Variants in CD109 observed in about 807,000 individuals in gnomAD.
The protein encoded by CD109 is CD109 antigen.
A neutral mutation model predicts 165.8 loss-of-function variants in CD109; 149 were observed. The ratio of observed to expected loss-of-function variants is 0.90; its 90% CI spans 0.79 to 1.03. The LOEUF (loss-of-function observed/expected upper bound fraction) is 1.03, where lower values mean the gene tolerates loss of function less well. Among genes scored for constraint, CD109 ranks in the 50% least tolerant of loss-of-function variants. CD109 has a pLI of 0.00. For missense variants in CD109, 1,712 were observed against 1,677.8 expected (o/e 1.02, Z -0.36); for synonymous variants, 585 against 592.1 (o/e 0.99, Z 0.18).
At chr6:73,704,239 T>C (rs1771182851) in intron 2 of CD109, among the ~76,000 whole-genome samples, 1 of 151,772 alleles carries the variant, frequency 6.6e-6, no homozygotes, top group Non-Finnish European at 1.5e-5. Flanking sequence ...CAGGTGATTC[T>C]TAGTCACATT....
At chr6:73,732,367 G>T (rs1338273326) in intron 4 of CD109, among the ~76,000 whole-genome samples, 1 of 152,150 alleles carries the variant, frequency 6.6e-6, no homozygotes, top group African/African-American at 2.4e-5. Context: ...CACATTTGTT[G>T]CCATGGTGTT....
rs1316570153 is a variant in CD109 at position 73,730,569 on chromosome 6, A to G, written c.502A>G (p.Ile168Val). The G allele has an allele frequency of 6.3e-7, 1 of 1,599,162 alleles. No individual in the cohort carries two copies. Among genetic ancestry groups the G allele is most frequent in the Non-Finnish European group, 8.6e-7 (1 of 1,167,036 alleles). The change falls in exon 4 of 33, where the codon ATT becomes GTT. Residue 168 changes from isoleucine (I) to valine (V), a missense_variant. Coordinates refer to ENST00000287097, the MANE Select transcript of CD109 (RefSeq NM_133493.5). Reference sequence around the variant, plus strand: ...TTACAAAACCTCTTTAAACATTCTCATTAAGGTAAGTGCCAGACAGAAATG... The same window carrying G: ...TTACAAAACCTCTTTAAACATTCTCGTTAAGGTAAGTGCCAGACAGAAATG... ...KPYKTSLNIL[I>V]KDPKSNLIQQ... is the part of the protein sequence containing the mutation.
intron 23 of CD109, among the ~76,000 whole-genome samples, chr6:73,794,462 A>G (rs1028693881): frequency 1.3e-5 from 2 of 152,208 alleles, no homozygotes; most frequent in Non-Finnish European, 2.9e-5. Context: ...CCTGTAGAGA[A>G]GGAGGCACCA....
In CD109 at chr6:73,810,153, G is replaced by A; in HGVS notation, c.3525G>A (p.Leu1175=). ...GGCTAAGCAGGCAAAGAAATAGCTTGGGTGGTTTTGCATCTACTCAGGTGA... is the reference window on the plus strand; with the variant it reads ...GGCTAAGCAGGCAAAGAAATAGCTTAGGTGGTTTTGCATCTACTCAGGTGA... ...MRWLSRQRNS[L]GGFASTQDTT... The change falls in exon 27 of 33, where the codon TTG becomes TTA. Residue 1175 remains leucine (L), a synonymous_variant. Transcript: ENST00000287097. The A allele has an allele frequency of 6.3e-7, 1 of 1,599,698 alleles. No homozygotes were observed. The highest frequency in any genetic ancestry group is 8.5e-7 in the Non-Finnish European group (1 of 1,175,438).
At chr6:73,756,375 T>A (rs1035653305) in intron 5 of CD109, among the ~76,000 whole-genome samples, 2 of 152,190 alleles carry the variant, frequency 1.3e-5, no homozygotes, top group Non-Finnish European at 2.9e-5. Flanking sequence ...AGCAGTTTGT[T>A]TAAATGACCC....
chr6:73,732,844 C>T (rs1263101464), intron 4 of CD109, among the ~76,000 whole-genome samples: 2 of 152,104 alleles, frequency 1.3e-5, no homozygotes, highest in Non-Finnish European at 2.9e-5. Flanking sequence ...CTTAGCAGAC[C>T]ACGTTTGGCT....
intron 5 of CD109, among the ~76,000 whole-genome samples, chr6:73,740,510 T>C (rs1488993109): frequency 6.6e-6 from 1 of 152,204 alleles, no homozygotes; most frequent in East Asian, 1.9e-4. Context: ...CCTTCAAGTA[T>C]TGTATTGCTT....
intron 22 of CD109, among the ~76,000 whole-genome samples, chr6:73,791,180 C>CATATATATAT: frequency 2.0e-5 from 1 of 49,792 alleles, no homozygotes; most frequent in African/African-American, 1.0e-4. Context: ...TATATATACA[C>CATATATATAT]ACACACACAT....
intron 31 of CD109, among the ~76,000 whole-genome samples, chr6:73,819,809 G>A (rs1210392538): frequency 6.6e-6 from 1 of 152,190 alleles, no homozygotes; most frequent in Non-Finnish European, 1.5e-5. Context: ...TGGTTTTGGA[G>A]TTTGTCTTCT....
chr6:73,766,987 CGATT>C lies in CD109; in HGVS notation c.1477_1480del (p.Leu493ArgfsTer3), dbSNP rs1562055623. The C allele has an allele frequency of 6.2e-7, 1 of 1,612,832 alleles. No homozygotes were observed. Among genetic ancestry groups the C allele is most frequent in the Non-Finnish European group, 8.5e-7 (1 of 1,179,454 alleles). On this transcript the variant is annotated frameshift_variant, in exon 13 of 33. Coordinates refer to ENST00000287097, the MANE Select transcript of CD109 (RefSeq NM_133493.5). LOFTEE classifies it high-confidence loss of function. ...TGAGTTGGTGGTTAGTGGCAACAAA[CGATT>C]GAAGGAGTTAAGCTATATGGTAATC...
At position 73,810,001 on chromosome 6, in the gene CD109, GT is replaced by G; in HGVS notation, c.3374del (p.Val1125GlyfsTer41). On this transcript the variant is annotated frameshift_variant, in exon 27 of 33. Coordinates refer to ENST00000287097, the MANE Select transcript of CD109 (RefSeq NM_133493.5). LOFTEE classifies it high-confidence loss of function. ...AEQEGGMQFW[V>X]SSESKLSDSW... ...TCTTGCAGGTGGCATGCAATTCTGG[GT>G]GTCATCAGAGTCCAAACTTTCTGAC... is the stretch of plus-strand genomic sequence containing the variant. 6.3e-7 allele frequency: 1 copy of G among 1,590,520 alleles called. No homozygotes were observed. The highest frequency in any genetic ancestry group is 8.5e-7 in the Non-Finnish European group (1 of 1,171,594).
intron 25 of CD109, 73 bp downstream of exon 25, chr6:73,807,145 T>A: frequency 1.8e-6 from 2 of 1,087,552 alleles, no homozygotes; most frequent in East Asian, 5.0e-5. Flanking sequence ...GTCAAATATG[T>A]GTGTGGAAAC....
Position 73,700,705 on chromosome 6 carries a change from C to T in CD109, c.247+3133C>T, listed in dbSNP as rs531802797. On this transcript the variant is annotated intron_variant, in intron 2 of 32. Coordinates refer to ENST00000287097, the MANE Select transcript of CD109 (RefSeq NM_133493.5). Reference sequence around the variant, plus strand: ...ATGGGGGAGATTTTATTTACATTTCCACTTTTATGGCCAGGAGTGTAGGTT... The same window carrying T: ...ATGGGGGAGATTTTATTTACATTTCTACTTTTATGGCCAGGAGTGTAGGTT... Among the ~76,000 whole-genome samples the T allele has an allele frequency of 9.9e-5, 15 of 150,856 alleles. No individual in the cohort carries two copies. The South Asian group carries it at 2.7e-3, about 27-fold the overall frequency.
chr6:73,714,145 GT>G (rs1211444690), intron 2 of CD109, among the ~76,000 whole-genome samples: 9 of 152,214 alleles, frequency 5.9e-5, no homozygotes, highest in Admixed American at 2.0e-4. Context: ...TTATTCCAAT[GT>G]GGGACATTGT....
intron 2 of CD109, among the ~76,000 whole-genome samples, chr6:73,721,660 C>T (rs1373217996): frequency 2.0e-5 from 3 of 151,936 alleles, no homozygotes; most frequent in Non-Finnish European, 4.4e-5. Context: ...CACCCACGCC[C>T]GGCCAGTAAT....
rs1773682572 is a variant in CD109 at position 73,762,755 on chromosome 6, A to T, written c.870A>T (p.Ala290=). The T allele has an allele frequency of 3.1e-6, 5 of 1,602,400 alleles. No homozygotes were observed. Among genetic ancestry groups the T allele is most frequent in the South Asian group, 1.1e-5 (1 of 89,046 alleles). The change falls in exon 9 of 33, where the codon GCA becomes GCT. Residue 290 remains alanine, a synonymous_variant. Coordinates refer to ENST00000287097, the MANE Select transcript of CD109 (RefSeq NM_133493.5). ...ITKTFKINGS[A]NFSFNDEEMK... is the part of the protein sequence containing the mutation. Reference sequence around the variant, plus strand: ...AAACAAAACAGATAAATGGATCTGCAAACTTCTCTTTTAATGATGAAGAGA... The same window carrying T: ...AAACAAAACAGATAAATGGATCTGCTAACTTCTCTTTTAATGATGAAGAGA...
At position 73,771,498 on chromosome 6, in the gene CD109, C is replaced by G. The variant is rs367954593; in HGVS notation, c.1744C>G (p.Gln582Glu). 178 of 1,611,014 alleles carry G rather than the reference C, an allele frequency of 1.1e-4. No homozygotes were observed. The highest frequency in any genetic ancestry group is 1.5e-4 in the Non-Finnish European group (174 of 1,178,400). Residue 582 changes from glutamine (Q) to glutamate (E), a missense_variant, in exon 15 of 33, where the codon CAG becomes GAG. By Grantham distance (29) the Gln-to-Glu change is conservative. Transcript: ENST00000287097. ...EKVSLRISVT[Q>E]PDSIVGIVAV... Reference sequence around the variant, plus strand: ...AGTCTCTCTTAGGATCTCTGTGACACAGCCTGACTCCATAGTTGGGATTGT... The same window carrying G: ...AGTCTCTCTTAGGATCTCTGTGACAGAGCCTGACTCCATAGTTGGGATTGT...
chr6:73,808,271 G>T, intron 26 of CD109, 23 bp downstream of exon 26: 1 of 1,591,912 alleles, frequency 6.3e-7, no homozygotes. Context: ...GCCCACTTGA[G>T]GTTGTTATGC....
chr6:73,778,995 T>C (rs745515336), intron 15 of CD109, among the ~76,000 whole-genome samples: 1 of 152,214 alleles, frequency 6.6e-6, no homozygotes, highest in Admixed American at 6.5e-5. Flanking sequence ...TACTTCACAA[T>C]GTTATATGAC....
Sources: allele counts gnomAD v4.1 joint callset (sites outside exome capture counted in the v4.1 genomes callset), GRCh38; gene constraint gnomAD v4.1.1; transcripts MANE v1.5; gene names NCBI Gene and HGNC (gene_info 2026-07-23, HGNC 2026-07-21).